ZNF611: variants seen among roughly 807,000 people sequenced by gnomAD.
ZNF611 encodes zinc finger protein 611.
A neutral mutation model predicts 8.9 loss-of-function variants in ZNF611; 6 were observed. The ratio of observed to expected loss-of-function variants is 0.68; its 90% CI spans 0.37 to 1.34. The LOEUF (loss-of-function observed/expected upper bound fraction) is 1.34, where lower values mean the gene tolerates loss of function less well. Ranked by LOEUF, ZNF611 falls within the 40% of genes most tolerant of loss-of-function variation. The probability of loss-of-function intolerance (pLI) is 0.02; values close to 1 mark genes in which losing one functional copy is unlikely to be tolerated. For synonymous variants in ZNF611, 262 were observed against 279.7 expected, an observed-to-expected ratio of 0.94 and a Z score of 0.63; for missense variants, 874 against 841.3, an observed-to-expected ratio of 1.04 and a Z score of -0.48.
intron 5 of ZNF611, among the ~76,000 whole-genome samples, chr19:52,712,001 C>T (rs1461191239): frequency 6.6e-6 from 1 of 151,920 alleles, no homozygotes; most frequent in Non-Finnish European, 1.5e-5. Flanking sequence ...GAAAGTGGAA[C>T]TAATTTAGCA....
intron 5 of ZNF611, among the ~76,000 whole-genome samples, 173 bp from the exon 6 acceptor site, chr19:52,707,037 T>A (rs1400828673): frequency 2.0e-5 from 3 of 152,184 alleles, no homozygotes; most frequent in Non-Finnish European, 4.4e-5. Flanking sequence ...GGTGATTACA[T>A]GTCCTTCAAG....
Position 52,704,956 on chromosome 19 carries a change from T to C in ZNF611, c.2099A>G (p.His700Arg). ...QSHLSRHHRIHTGEKP is the reference protein window; with the variant it reads ...QSHLSRHHRIRTGEKP ...ACATTTCTAAGGTTTCTCTCCAGTA[T>C]GAATTCTATGATGACGTGAAAGGTG... The change falls in exon 6 of 6, where the codon CAT (histidine) becomes CGT (arginine). Residue 700 changes from histidine (H) to arginine (R), a missense_variant. By Grantham distance (29) the His-to-Arg change is conservative. Coordinates refer to ENST00000652185, the MANE Select transcript of ZNF611 (RefSeq NM_001161499.2). 2.5e-6 allele frequency: 4 copies of C among 1,614,202 alleles called. No individual in the cohort carries two copies. The highest frequency in any genetic ancestry group is 3.4e-6 in the Non-Finnish European group (4 of 1,180,020).
At position 52,715,882 on chromosome 19, in the gene ZNF611, C is replaced by A; in HGVS notation, c.13G>T (p.Glu5Ter). Residue 5 changes from glutamate to a stop codon, truncating the protein, a stop_gained, in exon 4 of 6, where the codon GAA becomes TAA. Coordinates refer to ENST00000652185, the MANE Select transcript of ZNF611 (RefSeq NM_001161499.2). LOFTEE classifies it high-confidence loss of function. The stretch of plus-strand genomic sequence containing the variant: ...TTTCCTTTCCTCTTCTGAGCTGCTT[C>A]CTCACGTAACATGAGTCTTTAGGAA... MLRE[E>*]AAQKRKGKEP... 1.2e-6 allele frequency: 2 copies of A among 1,613,446 alleles called. No homozygotes were observed. The highest frequency in any genetic ancestry group is 1.7e-6 in the Non-Finnish European group (2 of 1,179,806).
At chr19:52,713,776 A>G (rs2062296097) in intron 5 of ZNF611, among the ~76,000 whole-genome samples, 1 of 152,200 alleles carries the variant, frequency 6.6e-6, no homozygotes, top group Middle Eastern at 3.4e-3. Flanking sequence ...CTATAATAAC[A>G]GCTACTCAGG....
At position 52,705,537 on chromosome 19, in the gene ZNF611, C is replaced by T; in HGVS notation, c.1518G>A (p.Gly506=). 4 of 1,612,292 alleles carry T rather than the reference C, an allele frequency of 2.5e-6. No individual in the cohort carries two copies. Among genetic ancestry groups the T allele is most frequent in the Non-Finnish European group, 3.4e-6 (4 of 1,179,554 alleles). ...DLLIHKSIHT[G]EQPYKCDECE... ...ATTCATCACATTTGTAAGGTTGCTC[C>T]CCAGTATGAATTGACTTATGAATTA... The change falls in exon 6 of 6, where the codon GGG becomes GGA. Residue 506 remains glycine, a synonymous_variant. Transcript: ENST00000652185.
intron 2 of ZNF611, among the ~76,000 whole-genome samples, chr19:52,729,520 AAAAGAAAG>A: frequency 7.8e-6 from 1 of 127,878 alleles, no homozygotes; most frequent in African/African-American, 2.8e-5. Flanking sequence ...AAAAAAAAAG[AAAAGAAAG>A]AAAAAGAAAA....
chr19:52,714,003 C>A lies in ZNF611; in HGVS notation c.190+12G>T, dbSNP rs748822468. The A allele has an allele frequency of 8.1e-6, 13 of 1,613,884 alleles. No individual in the cohort carries two copies. Among genetic ancestry groups the A allele is most frequent in the Non-Finnish European group, 1.0e-5 (12 of 1,179,982 alleles). On this transcript the variant is annotated intron_variant, in intron 5 of 5. Transcript: ENST00000652185. Reference sequence around the variant, plus strand: ...AGCAGACTCCTCATGTCTGCAGGGACATTTTCCTCACCCACAGCCTCCAGG... The same window carrying A: ...AGCAGACTCCTCATGTCTGCAGGGAAATTTTCCTCACCCACAGCCTCCAGG...
chr19:52,717,698 A>G, intron 3 of ZNF611: 1 of 984,942 alleles, frequency 1.0e-6, no homozygotes, highest in Non-Finnish European at 1.2e-6. Context: ...ACATCTGTAG[A>G]GAATATTATG....
chr19:52,734,672 G>A (rs2062446826), intron 1 of ZNF611, among the ~76,000 whole-genome samples: 1 of 152,240 alleles, frequency 6.6e-6, no homozygotes, highest in African/African-American at 2.4e-5. Flanking sequence ...GAGGCTGGGA[G>A]GCGCCCTGGG....
intron 3 of ZNF611, among the ~76,000 whole-genome samples, chr19:52,725,368 G>C (rs2062384869): frequency 6.6e-6 from 1 of 152,208 alleles, no homozygotes; most frequent in Non-Finnish European, 1.5e-5. Flanking sequence ...CCGGCGCTGC[G>C]CTCCAGGGGA....
chr19:52,721,587 G>A (rs1296515070), intron 3 of ZNF611, among the ~76,000 whole-genome samples: 4 of 151,912 alleles, frequency 2.6e-5, no homozygotes, highest in African/African-American at 9.7e-5. Flanking sequence ...GCTGAGGCAG[G>A]AGAATCAGGC....
intron 5 of ZNF611, among the ~76,000 whole-genome samples, chr19:52,713,531 T>C (rs1334624554): frequency 2.0e-5 from 3 of 152,158 alleles, no homozygotes; most frequent in Non-Finnish European, 2.9e-5. Context: ...TTAGAGAAGA[T>C]GATCATTAGT....
At chr19:52,716,450 AG>A (rs2062317919) in intron 3 of ZNF611, among the ~76,000 whole-genome samples, 1 of 152,192 alleles carries the variant, frequency 6.6e-6, no homozygotes, top group South Asian at 2.1e-4. Flanking sequence ...CTCCACTCAG[AG>A]GGGGCGAGCC....
chr19:52,704,263 C>T lies in ZNF611; in HGVS notation c.*674G>A, dbSNP rs186221448. On this transcript the variant is annotated 3_prime_UTR_variant, in exon 6 of 6. Transcript: ENST00000652185. The stretch of plus-strand genomic sequence containing the variant: ...GCTTGATGGTTTGCTATACTCATTT[C>T]ATTGGGAACGGTTATCTCAAAAATG... The T allele has an allele frequency of 6.7e-5, 33 of 488,906 alleles. No homozygotes were observed. Among genetic ancestry groups the T allele is most frequent in the African/African-American group, 6.3e-4 (32 of 50,526 alleles). 30.3% of individuals were successfully genotyped at this position (488,906 alleles called of 1,614,324 possible).
chr19:52,733,378 G>A (rs2062437343), intron 1 of ZNF611, among the ~76,000 whole-genome samples: 1 of 152,070 alleles, frequency 6.6e-6, no homozygotes, highest in Non-Finnish European at 1.5e-5. Flanking sequence ...TCAGCTCACT[G>A]CAGCCTGGAC....
At position 52,706,835 on chromosome 19, in the gene ZNF611, C is replaced by A. The variant is rs368949371; in HGVS notation, c.220G>T (p.Val74Phe). 427 of 1,609,714 alleles carry A rather than the reference C, an allele frequency of 2.7e-4. No individual in the cohort carries two copies. Among genetic ancestry groups the A allele is most frequent in the Non-Finnish European group, 3.5e-4 (408 of 1,178,674 alleles). ...DISSKCMMKE[V>F]LSTGQGNTEV... ...GTATTGCCTTGCCCTGTTGACAAGA[C>A]CTCCTTCATCATGCATTTGGAAGAG... The change falls in exon 6 of 6, where the codon GTC becomes TTC. Residue 74 changes from valine (V) to phenylalanine (F), a missense_variant. Transcript: ENST00000652185.
At chr19:52,729,185 C>A (rs1357207838) in intron 2 of ZNF611, among the ~76,000 whole-genome samples, 1 of 152,040 alleles carries the variant, frequency 6.6e-6, no homozygotes, top group Non-Finnish European at 1.5e-5. Flanking sequence ...TTCATATTTA[C>A]AGAATATCTT....
Position 52,702,895 on chromosome 19 carries a change from G to C in ZNF611, c.*2042C>G, listed in dbSNP as rs987173261. 6.6e-6 allele frequency: 1 copy of C among 152,164 alleles called. No individual in the cohort carries two copies. Among genetic ancestry groups the C allele is most frequent in the African/African-American group, 2.4e-5 (1 of 41,446 alleles). 9.4% of individuals were successfully genotyped at this position (152,164 alleles called of 1,614,324 possible). A position where few individuals can be genotyped will look rare whatever the true frequency, so the allele number is the denominator to read the frequency against. ...CTGAAACAATCAAACTTAAGTTTAG[G>C]TACCAAAGGTTTTCAATAAATAACA... On this transcript the variant is annotated 3_prime_UTR_variant, in exon 6 of 6. Coordinates refer to ENST00000652185, the MANE Select transcript of ZNF611 (RefSeq NM_001161499.2).
rs375633081 is a variant in ZNF611 at position 52,719,397 on chromosome 19, C to T, written c.-19-3484G>A. On this transcript the variant is annotated intron_variant, in intron 3 of 5. Transcript: ENST00000652185. ...AGGGAAGAGGGTGATCCACAACTAA[C>T]GAGTCAAGTCACTGTCCTCTGGCTG... Among the ~76,000 whole-genome samples, 630 of 152,252 alleles carry T rather than the reference C, an allele frequency of 4.1e-3. 9 individuals carry two copies. The highest frequency in any genetic ancestry group is 0.012 in the African/African-American group (518 of 41,526).
Sources: allele counts gnomAD v4.1 joint callset (sites outside exome capture counted in the v4.1 genomes callset), GRCh38; gene constraint gnomAD v4.1.1; transcripts MANE v1.5; gene names NCBI Gene and HGNC (gene_info 2026-07-23, HGNC 2026-07-21).